Variants in GRM8 observed in about 807,000 individuals in gnomAD.
The protein encoded by GRM8 is glutamate metabotropic receptor 8, also known as metabotropic glutamate receptor 8.
In GRM8, 47 loss-of-function variants were observed where a neutral mutation model predicts 87.2. That is an observed-to-expected ratio of 0.54 (90% confidence interval 0.43 to 0.69). The LOEUF is 0.69. GRM8 is among the 30% of genes least tolerant of loss of function. The pLI is 0.00. For synonymous variants in GRM8, 396 were observed against 404.5 expected, an observed-to-expected ratio of 0.98 and a Z score of 0.25; for missense variants, 1,019 against 1,139.2, an observed-to-expected ratio of 0.89 and a Z score of 1.52.
At chr7:127,245,884 C>T (rs748048912) in intron 1 of GRM8, among the ~76,000 whole-genome samples, 1 of 152,198 alleles carries the variant, frequency 6.6e-6, no homozygotes, top group Admixed American at 6.5e-5. Context: ...ATAGAACCTG[C>T]CACACAGCAC....
At chr7:127,105,003 T>C (rs894881939) in intron 3 of GRM8, among the ~76,000 whole-genome samples, 1 of 152,168 alleles carries the variant, frequency 6.6e-6, no homozygotes, top group African/African-American at 2.4e-5. Flanking sequence ...ATGTCCAGGA[T>C]CACTGTGGAA....
rs372859447 is a variant in GRM8 at position 126,902,690 on chromosome 7, G to C, written c.1019-11C>G. 132 of 1,554,594 alleles carry C rather than the reference G, an allele frequency of 8.5e-5. No homozygotes were observed. The African/African-American group carries it at 1.7e-3, about 20-fold the overall frequency. On this transcript the variant is annotated splice_polypyrimidine_tract_variant and intron_variant, in intron 5 of 10. Transcript: ENST00000339582. ...AGTATCGATCAAATCCTATTTCAAA[G>C]GAGAAAGGTATGATTTTAATATTCT...
intron 3 of GRM8, among the ~76,000 whole-genome samples, chr7:127,043,976 A>G (rs1818686615): frequency 6.6e-6 from 1 of 152,124 alleles, no homozygotes; most frequent in Admixed American, 6.5e-5. Flanking sequence ...CCCTTTTCAC[A>G]CAAGTTACAT....
intron 8 of GRM8, among the ~76,000 whole-genome samples, chr7:126,543,685 C>G (rs1340760024): frequency 6.6e-6 from 1 of 152,082 alleles, no homozygotes; most frequent in Admixed American, 6.6e-5. Flanking sequence ...TTCAAAGGCA[C>G]AGGTATATGC....
chr7:126,583,995 G>A (rs1795861114), intron 8 of GRM8, among the ~76,000 whole-genome samples: 1 of 152,060 alleles, frequency 6.6e-6, no homozygotes, highest in African/African-American at 2.4e-5. Flanking sequence ...ACTCAATGTT[G>A]TCTTATTTTT....
At chr7:126,986,849 ATATT>A (rs1812124722) in intron 3 of GRM8, among the ~76,000 whole-genome samples, 1 of 152,230 alleles carries the variant, frequency 6.6e-6, no homozygotes. Flanking sequence ...TTGTATGACA[ATATT>A]TATTTAACAA....
intron 7 of GRM8, among the ~76,000 whole-genome samples, chr7:126,740,831 T>C (rs1814887879): frequency 6.6e-6 from 1 of 152,138 alleles, no homozygotes; most frequent in Admixed American, 6.6e-5. Context: ...ATGTAGAATT[T>C]CAAGAAAATA....
At chr7:126,714,985 A>G (rs912280527) in intron 7 of GRM8, among the ~76,000 whole-genome samples, 1 of 152,172 alleles carries the variant, frequency 6.6e-6, no homozygotes, top group Admixed American at 6.5e-5. Context: ...TGAAACTTCT[A>G]TCTGAAATGG....
intron 7 of GRM8, among the ~76,000 whole-genome samples, chr7:126,768,456 A>G (rs1818454482): frequency 6.6e-6 from 1 of 150,618 alleles, no homozygotes; most frequent in South Asian, 2.1e-4. Flanking sequence ...ATATTCTTTA[A>G]CAGTCTTTAA....
intron 7 of GRM8, among the ~76,000 whole-genome samples, chr7:126,665,950 CAGAA>C (rs1426690404): frequency 6.6e-6 from 1 of 151,888 alleles, no homozygotes; most frequent in African/African-American, 2.4e-5. Context: ...AGAAAGCAAA[CAGAA>C]AGAGGAAACA....
At position 126,631,554 on chromosome 7, in the gene GRM8, C is replaced by CA. The variant is rs201639373; in HGVS notation, c.1358-22057dup. Reference sequence around the variant, plus strand: ...ACTATCTTAAAATTGATATTAAAAACAAAAAAAAACTCGCATAGGCAAGAC... The same window carrying CA: ...ACTATCTTAAAATTGATATTAAAAACAAAAAAAAAACTCGCATAGGCAAGAC... On this transcript the variant is annotated intron_variant, in intron 7 of 10. Transcript: ENST00000339582. 5.6e-4 allele frequency among the ~76,000 whole-genome samples: 84 copies of CA among 150,390 alleles called. 1 individual carries two copies. Among genetic ancestry groups the CA allele is most frequent in the Admixed American group, 1.3e-3 (20 of 15,122 alleles).
chr7:126,770,303 G>A (rs1041799877), intron 6 of GRM8, among the ~76,000 whole-genome samples: 5 of 152,110 alleles, frequency 3.3e-5, no homozygotes, highest in African/African-American at 1.2e-4. Flanking sequence ...AAGATGTATA[G>A]TTTCATTATC....
intron 6 of GRM8, among the ~76,000 whole-genome samples, chr7:126,889,537 T>C (rs954945876): frequency 1.3e-5 from 2 of 152,130 alleles, no homozygotes; most frequent in African/African-American, 4.8e-5. Flanking sequence ...GAGGGCATGT[T>C]GTTAAAGGAA....
At chr7:126,922,434 A>T (rs1804626540) in intron 3 of GRM8, among the ~76,000 whole-genome samples, 1 of 152,146 alleles carries the variant, frequency 6.6e-6, no homozygotes, top group Non-Finnish European at 1.5e-5. Context: ...AAAAAAATCA[A>T]GAAATAGCAA....
intron 6 of GRM8, among the ~76,000 whole-genome samples, chr7:126,800,720 T>C (rs1287339063): frequency 1.3e-5 from 2 of 152,126 alleles, no homozygotes; most frequent in Admixed American, 1.3e-4. Context: ...AAATTCTAGA[T>C]TAATTAACGT....
chr7:126,619,197 A>C (rs1338074026), intron 7 of GRM8, among the ~76,000 whole-genome samples: 1 of 152,230 alleles, frequency 6.6e-6, no homozygotes, highest in Non-Finnish European at 1.5e-5. Context: ...TGCAGTCATA[A>C]AAAATGATGA....
intron 2 of GRM8, among the ~76,000 whole-genome samples, chr7:127,126,107 C>T (rs1434746538): frequency 6.6e-6 from 1 of 151,914 alleles, no homozygotes. Flanking sequence ...TCATTTGATC[C>T]AACAATCCCA....
At chr7:127,075,030 G>A (rs1459351222) in intron 3 of GRM8, among the ~76,000 whole-genome samples, 1 of 152,212 alleles carries the variant, frequency 6.6e-6, no homozygotes, top group Non-Finnish European at 1.5e-5. Context: ...CAGAGTTATA[G>A]GTGTGTTTCC....
chr7:126,586,018 G>C (rs1010344031), intron 8 of GRM8, among the ~76,000 whole-genome samples: 2 of 152,066 alleles, frequency 1.3e-5, no homozygotes, highest in Non-Finnish European at 2.9e-5. Flanking sequence ...AAAATCACAA[G>C]CATTCTCATA....
Sources: allele counts gnomAD v4.1 joint callset (sites outside exome capture counted in the v4.1 genomes callset), GRCh38; gene constraint gnomAD v4.1.1; transcripts MANE v1.5; gene names NCBI Gene and HGNC (gene_info 2026-07-23, HGNC 2026-07-21).